Variants in RGS8 observed in about 807,000 individuals in gnomAD.
RGS8 encodes regulator of G-protein signaling 8.
RGS8 carries 8 observed loss-of-function variants against 21.7 expected under a neutral mutation model. The ratio of observed to expected loss-of-function variants is 0.37; its 90% CI spans 0.22 to 0.66. RGS8 has a LOEUF of 0.66. Ranked by LOEUF, RGS8 falls within the 30% of genes least tolerant of loss-of-function variation. RGS8 has a pLI of 0.59. For missense variants in RGS8, 157 were observed against 217.9 expected, an observed-to-expected ratio of 0.72 and a Z score of 1.76; for synonymous variants, 80 against 83.6, an observed-to-expected ratio of 0.96 and a Z score of 0.24.
the RGS8 span, among the ~76,000 whole-genome samples, chr1:182,693,373 C>T: frequency 2.0e-5 from 3 of 152,296 alleles, no homozygotes; most frequent in Admixed American, 6.5e-5. Context: ...AGAAAATGCT[C>T]AACATCACTA....
the RGS8 span, among the ~76,000 whole-genome samples, chr1:182,746,093 C>T: frequency 1.4e-4 from 21 of 152,134 alleles, no homozygotes; most frequent in Admixed American, 7.9e-4. Context: ...GACCTCTTCC[C>T]TGCCTAGAAA....
At chr1:182,686,752 C>T (rs1022730707), upstream of RGS8, among the ~76,000 whole-genome samples, 3 of 152,108 alleles carry the variant, frequency 2.0e-5, no homozygotes, top group Admixed American at 6.5e-5. Context: ...TTTGGGAGCT[C>T]TCCACCTGAA....
chr1:182,722,218 T>G, the RGS8 span, among the ~76,000 whole-genome samples: 16 of 59,874 alleles, frequency 2.7e-4, no homozygotes, highest in South Asian at 2.1e-3. Flanking sequence ...GAAACAAGTG[T>G]TTTTTTTTTT....
the RGS8 span, among the ~76,000 whole-genome samples, chr1:182,735,604 C>T: frequency 6.6e-6 from 1 of 152,248 alleles, no homozygotes; most frequent in Non-Finnish European, 1.5e-5. Flanking sequence ...AGAGAGGGCC[C>T]TGGTGGAAGC....
rs144734547 is a variant in RGS8, at chr1:182,681,686, C to T, written n.221+2670G>A. ...GGAACTGAGAGCACTCAGTGAGACGCCTTGCTTGCGGGCATGTGCTGGTGC... is the reference window on the plus strand; with the variant it reads ...GGAACTGAGAGCACTCAGTGAGACGTCTTGCTTGCGGGCATGTGCTGGTGC... On this transcript the variant is annotated intron_variant and non_coding_transcript_variant, in intron 1 of 4. Transcript: ENST00000515211. Among the ~76,000 whole-genome samples, 208 of 152,308 alleles carry T rather than the reference C, an allele frequency of 1.4e-3. 1 individual carries two copies. Among genetic ancestry groups the T allele is most frequent in the African/African-American group, 4.8e-3 (201 of 41,554 alleles).
At chr1:182,654,098 T>C (rs1366379584) in intron 5 of RGS8, among the ~76,000 whole-genome samples, 1 of 152,172 alleles carries the variant, frequency 6.6e-6, no homozygotes, top group Non-Finnish European at 1.5e-5. Context: ...ATAATATCAC[T>C]CCACTTTCCA....
At chr1:182,740,076 G>A in the RGS8 span, among the ~76,000 whole-genome samples, 229 of 152,260 alleles carry the variant, frequency 1.5e-3, no homozygotes, top group Admixed American at 2.4e-3. Context: ...TACTTGGGGA[G>A]ACCCAATAAT....
the RGS8 span, among the ~76,000 whole-genome samples, chr1:182,713,898 T>C: frequency 6.6e-6 from 1 of 152,190 alleles, no homozygotes; most frequent in African/African-American, 2.4e-5. Context: ...GAAAATACAG[T>C]ACATAAAACA....
At chr1:182,688,514 GA>G (rs1179193254), upstream of RGS8, among the ~76,000 whole-genome samples, 2 of 152,204 alleles carry the variant, frequency 1.3e-5, no homozygotes, top group Non-Finnish European at 2.9e-5. Flanking sequence ...CTAATCCTTG[GA>G]ACCTGTGACT....
At chr1:182,650,329 T>G (rs2102409383) in intron 5 of RGS8, among the ~76,000 whole-genome samples, 1 of 152,370 alleles carries the variant, frequency 6.6e-6, no homozygotes. Flanking sequence ...TGTTGATATA[T>G]TCAATGCTTA....
chr1:182,734,596 T>A, the RGS8 span: 1 of 152,238 alleles, frequency 6.6e-6, no homozygotes, highest in South Asian at 2.1e-4. Context: ...TTTTATGTTG[T>A]CTCATTATAA....
chr1:182,667,121 G>A, intron 3 of RGS8, 148 bp from the exon 5 acceptor site: 2 of 651,150 alleles, frequency 3.1e-6, no homozygotes, highest in Admixed American at 4.8e-5. Flanking sequence ...TGAACAGGAA[G>A]AGACCACCTA....
At chr1:182,669,735 C>T in exon 3 of RGS8, 1 of 1,600,096 alleles carries the variant, frequency 6.2e-7, no homozygotes, top group Non-Finnish European at 8.5e-7. Flanking sequence ...AGGAATTTAC[C>T]CTTGCACGTC....
At chr1:182,722,243 T>A in the RGS8 span, among the ~76,000 whole-genome samples, 3 of 149,988 alleles carry the variant, frequency 2.0e-5, no homozygotes, top group African/African-American at 7.4e-5. Flanking sequence ...ACATATGTAG[T>A]CATTGAGAAG....
At chr1:182,720,270 G>A in the RGS8 span, among the ~76,000 whole-genome samples, 1 of 152,076 alleles carries the variant, frequency 6.6e-6, no homozygotes, top group Non-Finnish European at 1.5e-5. Context: ...GAAATGATTG[G>A]ATTTAACTGC....
chr1:182,752,056 T>A, the RGS8 span, among the ~76,000 whole-genome samples: 1 of 152,212 alleles, frequency 6.6e-6, no homozygotes, highest in African/African-American at 2.4e-5. Flanking sequence ...TTTGTGTTTG[T>A]CACCTGATAC....
the RGS8 span, among the ~76,000 whole-genome samples, chr1:182,745,503 G>A: frequency 3.3e-5 from 5 of 152,224 alleles, no homozygotes; most frequent in Non-Finnish European, 5.9e-5. Flanking sequence ...GTAATTCCAC[G>A]CATCCAAGGA....
the RGS8 span, among the ~76,000 whole-genome samples, chr1:182,745,503 G>T: frequency 6.6e-6 from 1 of 152,106 alleles, no homozygotes. Context: ...GTAATTCCAC[G>T]CATCCAAGGA....
the RGS8 span, among the ~76,000 whole-genome samples, chr1:182,728,108 A>C: frequency 6.6e-6 from 1 of 152,248 alleles, no homozygotes; most frequent in South Asian, 2.1e-4. Flanking sequence ...AAACTAAATA[A>C]TTACAAAATC....
Sources: gnomAD v4.1 joint callset for allele counts (sites outside exome capture counted in the v4.1 genomes callset) on GRCh38, gnomAD v4.1.1 for gene constraint, MANE v1.5 for transcripts, NCBI Gene and HGNC (gene_info 2026-07-23, HGNC 2026-07-21) for gene names.